ZPBP: variants seen among roughly 807,000 people sequenced by gnomAD.
ZPBP encodes zona pellucida binding protein, also known as zona pellucida-binding protein 1.
ZPBP carries 26 observed loss-of-function variants against 44.8 expected under a neutral mutation model. The observed-to-expected ratio is 0.58, with a 90% CI of 0.43 to 0.81. The LOEUF (loss-of-function observed/expected upper bound fraction) is 0.81, where lower values mean the gene tolerates loss of function less well. Ranked by LOEUF, ZPBP falls within the 30% of genes least tolerant of loss-of-function variation. ZPBP has a pLI of 0.00. For synonymous variants in ZPBP, 174 were observed against 153.2 expected (o/e 1.14, Z -1.00); for missense variants, 409 against 434.0 (o/e 0.94, Z 0.51).
downstream of ZPBP, among the ~76,000 whole-genome samples, chr7:49,937,004 A>G (rs1026301363): frequency 3.3e-5 from 5 of 152,224 alleles, no homozygotes; most frequent in African/African-American, 1.2e-4. Context: ...ACTGAACTAT[A>G]TTAAAAAATC....
At chr7:49,872,992 T>TA (rs893907749) in intron 2 of ZPBP, among the ~76,000 whole-genome samples, 24 of 130,618 alleles carry the variant, frequency 1.8e-4, no homozygotes, top group African/African-American at 6.2e-4. Context: ...AAATAATTAA[T>TA]AAAAAAATCT....
intron 2 of ZPBP, among the ~76,000 whole-genome samples, chr7:49,887,521 A>T (rs977994288): frequency 1.4e-5 from 1 of 73,412 alleles, no homozygotes; most frequent in Non-Finnish European, 2.7e-5. Context: ...GGTATTAGAT[A>T]ACACCATGCT....
chr7:49,871,068 G>A (rs1332815827), intron 2 of ZPBP, among the ~76,000 whole-genome samples: 1 of 152,164 alleles, frequency 6.6e-6, no homozygotes, highest in Admixed American at 6.5e-5. Flanking sequence ...TCAACCCTAA[G>A]AATGGAGAGC....
At chr7:50,050,788 CAAAAAAA>C (rs751875216) in intron 4 of ZPBP, among the ~76,000 whole-genome samples, 2 of 26,848 alleles carry the variant, frequency 7.4e-5, no homozygotes, top group Non-Finnish European at 1.4e-4. Context: ...GACTCCGTCT[CAAAAAAA>C]AAAAAAAAAA....
intron 2 of ZPBP, among the ~76,000 whole-genome samples, chr7:49,870,655 G>A (rs1050686086): frequency 1.5e-4 from 23 of 152,174 alleles, no homozygotes; most frequent in South Asian, 4.1e-4. Context: ...CAGGAAGGCC[G>A]AAAAGGGCTC....
At chr7:49,851,131 C>A (rs1456124628) in intron 2 of ZPBP, among the ~76,000 whole-genome samples, 1 of 152,184 alleles carries the variant, frequency 6.6e-6, no homozygotes, top group Non-Finnish European at 1.5e-5. Context: ...TGCCCGCCAC[C>A]CTGGGCTTCC....
chr7:49,927,760 G>A (rs1342132270), intron 1 of ZPBP, among the ~76,000 whole-genome samples: 1 of 152,164 alleles, frequency 6.6e-6, no homozygotes, highest in African/African-American at 2.4e-5. Context: ...GGAGAACGTG[G>A]TACGACCAAT....
intron 6 of ZPBP, among the ~76,000 whole-genome samples, chr7:49,992,321 A>G (rs1320125175): frequency 5.3e-5 from 8 of 152,174 alleles, no homozygotes; most frequent in Non-Finnish European, 8.8e-5. Context: ...AACATACAAA[A>G]TGATTTTAAA....
intron 4 of ZPBP, among the ~76,000 whole-genome samples, chr7:50,054,626 T>C (rs1486503775): frequency 2.0e-5 from 3 of 152,098 alleles, no homozygotes; most frequent in Non-Finnish European, 4.4e-5. Flanking sequence ...TATAAGTTGA[T>C]TTTACTTCTT....
chr7:49,943,116 G>A (rs1024671619), intron 7 of ZPBP: 3 of 331,850 alleles, frequency 9.0e-6, no homozygotes, highest in African/African-American at 4.3e-5. Context: ...CCCACAGTCA[G>A]TAAGTCAGTA....
intron 7 of ZPBP, among the ~76,000 whole-genome samples, chr7:49,960,345 T>C (rs916013838): frequency 7.2e-5 from 11 of 151,778 alleles, no homozygotes; most frequent in Non-Finnish European, 1.3e-4. Flanking sequence ...TGCTTGAACC[T>C]GGGAGAAAGA....
At chr7:49,985,742 C>T (rs4917104) in intron 6 of ZPBP, among the ~76,000 whole-genome samples, 121,179 of 151,942 alleles carry the variant, frequency 0.8, 48,484 homozygotes, top group East Asian at 0.89. Context: ...ATCCCCAACC[C>T]GCCCCACAAG....
intron 6 of ZPBP, among the ~76,000 whole-genome samples, chr7:50,006,322 C>G (rs1798310318): frequency 6.6e-6 from 1 of 151,946 alleles, no homozygotes; most frequent in African/African-American, 2.4e-5. Context: ...AATACTTTTT[C>G]CTAAAGTGCA....
At chr7:49,968,436 G>T (rs987795002) in intron 7 of ZPBP, among the ~76,000 whole-genome samples, 1 of 151,892 alleles carries the variant, frequency 6.6e-6, no homozygotes, top group Admixed American at 6.6e-5. Flanking sequence ...TAAAAATATA[G>T]CAACCTAGGA....
intron 7 of ZPBP, chr7:49,942,580 C>A (rs2128753847): frequency 6.6e-6 from 1 of 152,590 alleles, no homozygotes; most frequent in South Asian, 2.1e-4. Flanking sequence ...CTCCTGAAAA[C>A]TTTTTAGCTT....
intron 1 of ZPBP, chr7:50,092,836 G>C: frequency 1.9e-6 from 1 of 525,896 alleles, no homozygotes; most frequent in Non-Finnish European, 3.1e-6. Flanking sequence ...AACTTCAACT[G>C]TGGGTGACGT....
At chr7:50,028,729 C>T (rs1053322965) in intron 5 of ZPBP, among the ~76,000 whole-genome samples, 1 of 150,880 alleles carries the variant, frequency 6.6e-6, no homozygotes, top group African/African-American at 2.4e-5. Flanking sequence ...TAAGAAAATT[C>T]TACTTATAAT....
At chr7:49,888,826 G>A (rs1583760558) in intron 2 of ZPBP, among the ~76,000 whole-genome samples, 1 of 152,234 alleles carries the variant, frequency 6.6e-6, no homozygotes, top group East Asian at 1.9e-4. Flanking sequence ...CAGGAGAATC[G>A]CTTGAACTCG....
intron 2 of ZPBP, among the ~76,000 whole-genome samples, chr7:49,855,779 C>T (rs1790393470): frequency 6.6e-6 from 1 of 152,204 alleles, no homozygotes; most frequent in African/African-American, 2.4e-5. Flanking sequence ...GCCAGCCCAG[C>T]CCTCCCAGCT....
Sources: allele counts gnomAD v4.1 joint callset (sites outside exome capture counted in the v4.1 genomes callset), GRCh38; gene constraint gnomAD v4.1.1; transcripts MANE v1.5; gene names NCBI Gene and HGNC (gene_info 2026-07-23, HGNC 2026-07-21).